Variants in MAMSTR observed in about 807,000 individuals in gnomAD.
The protein encoded by MAMSTR is MEF2 activating motif and SAP domain containing transcriptional regulator.
MAMSTR carries 41 observed loss-of-function variants against 42.7 expected under a neutral mutation model. The observed-to-expected ratio is 0.96, with a 90% CI of 0.75 to 1.25. The LOEUF (loss-of-function observed/expected upper bound fraction) is 1.25. Among genes scored for constraint, MAMSTR ranks in the 50% most tolerant of loss-of-function variants. MAMSTR has a pLI of 0.00. For synonymous variants in MAMSTR, 265 were observed against 244.1 expected (o/e 1.09, Z -0.80); for missense variants, 567 against 557.6 (o/e 1.02, Z -0.17).
intron 3 of MAMSTR, among the ~76,000 whole-genome samples, chr19:48,716,185 G>A (rs1244079947): frequency 1.3e-5 from 2 of 151,842 alleles, no homozygotes; most frequent in African/African-American, 2.4e-5. Flanking sequence ...AGACCAGCCC[G>A]GCCAACATGG....
In MAMSTR at chr19:48,713,405, C is replaced by T. The variant is rs778983660; in HGVS notation, c.1110G>A (p.Thr370=). Residue 370 remains threonine, a synonymous_variant, in exon 10 of 10, where the codon ACG becomes ACA. Transcript: ENST00000318083. ...GGGCCTCCAGCCAGTCCAGGGAGTC[C>T]GTGGGGTCCCTGGGAGAAGGGGAGG... The part of the protein sequence containing the change: ...NSSSPSPRDP[T]DSLDWLEALS... 1.2e-6 allele frequency: 2 copies of T among 1,613,164 alleles called. No individual in the cohort carries two copies. The highest frequency in any genetic ancestry group is 8.5e-7 in the Non-Finnish European group (1 of 1,179,726).
At chr19:48,712,052 G>C (rs942757093), downstream of MAMSTR, among the ~76,000 whole-genome samples, 1 of 151,964 alleles carries the variant, frequency 6.6e-6, no homozygotes, top group Admixed American at 6.6e-5. Context: ...CACCGTGCCC[G>C]GCCCAGTTTT....
downstream of MAMSTR, among the ~76,000 whole-genome samples, chr19:48,708,008 G>T (rs557348429): frequency 6.6e-6 from 1 of 152,214 alleles, no homozygotes; most frequent in East Asian, 1.9e-4. Flanking sequence ...GCCAAGACCA[G>T]TGGATTACCT....
downstream of MAMSTR, among the ~76,000 whole-genome samples, chr19:48,710,878 C>T (rs565918723): frequency 1.2e-4 from 18 of 152,160 alleles, no homozygotes; most frequent in African/African-American, 1.9e-4. Flanking sequence ...TGAGCCACCG[C>T]GCCCGGCCAA....
chr19:48,714,179 A>T, intron 7 of MAMSTR, 134 bp from the exon 8 acceptor site: 1 of 1,078,578 alleles, frequency 9.3e-7, no homozygotes, highest in Non-Finnish European at 1.3e-6. Flanking sequence ...CTCGCCCCCT[A>T]TTCTTTCATT....
chr19:48,707,843 G>GAAAGAA (rs1555755172), downstream of MAMSTR, among the ~76,000 whole-genome samples: 4 of 57,704 alleles, frequency 6.9e-5, no homozygotes, highest in Admixed American at 7.6e-4. Context: ...AGAAAGGAAA[G>GAAAGAA]AAAGAAAGAA....
At chr19:48,707,892 G>GA (rs879932864), downstream of MAMSTR, among the ~76,000 whole-genome samples, 8,494 of 100,256 alleles carry the variant, frequency 0.085, 342 homozygotes, top group Middle Eastern at 0.18. Flanking sequence ...AGAAAGAAAA[G>GA]AAAGAAAGAA....
At chr19:48,710,809 G>T (rs281378), downstream of MAMSTR, among the ~76,000 whole-genome samples, 37 of 151,596 alleles carry the variant, frequency 2.4e-4, no homozygotes, top group African/African-American at 8.9e-4. Context: ...GGCTAGTCTC[G>T]AACTCCTGAC....
chr19:48,715,967 G>C (rs946472589), intron 3 of MAMSTR, 200 bp from the exon 4 acceptor site: 2 of 1,382,916 alleles, frequency 1.4e-6, no homozygotes, highest in African/African-American at 3.0e-5. Flanking sequence ...CTCAAGTAAA[G>C]CAGGAATTTT....
intron 2 of MAMSTR, 102 bp downstream of exon 2, chr19:48,718,872 A>T (rs2033149678): frequency 1.6e-6 from 2 of 1,225,636 alleles, no homozygotes; most frequent in Admixed American, 4.1e-5. Context: ...CTTTTGCACA[A>T]AAAACACAGG....
In MAMSTR at chr19:48,714,858, GAGGGGCT is replaced by G; in HGVS notation, c.469_475del (p.Ser157ArgfsTer17). The G allele has an allele frequency of 6.2e-7, 1 of 1,612,606 alleles. No homozygotes were observed. On this transcript the variant is annotated frameshift_variant, in exon 6 of 10. Transcript: ENST00000318083. LOFTEE classifies it high-confidence loss of function. ...AAGTTCCAACTTGTGTGGGGGGGGC[GAGGGGCT>G]AGGGACTCCTGGTGGGCAGGGAGTG...
chr19:48,714,764 C>T (rs753347015), intron 6 of MAMSTR, 42 bp downstream of exon 6: 18 of 1,477,834 alleles, frequency 1.2e-5, no homozygotes, highest in Non-Finnish European at 1.7e-5. Context: ...GGGACCCCAC[C>T]GAAGGAGAGA....
At chr19:48,716,911 C>T (rs2033062924) in intron 2 of MAMSTR, 168 bp from the exon 3 acceptor site, 2 of 1,208,690 alleles carry the variant, frequency 1.7e-6, no homozygotes, top group Non-Finnish European at 2.1e-6. Context: ...TTCCTCGGGC[C>T]TCCCGCCTGC....
chr19:48,714,041 T>G lies in MAMSTR; in HGVS notation c.728A>C (p.Lys243Thr). The change falls in exon 8 of 10, where the codon AAG becomes ACG. Residue 243 changes from lysine to threonine, a missense_variant. Physicochemically the swap from Lys to Thr is moderately conservative, Grantham distance 78. Coordinates refer to ENST00000318083, the MANE Select transcript of MAMSTR (RefSeq NM_001130915.2). ...LAAARRQGSV[K>T]PSAASHRPPL... is the part of the protein sequence containing the mutation. ...TGGCCTGTGAGATGCTGCGCTGGGC[T>G]TGACCTAGAGCAGCCAAGAGGGCGA... 1 of 1,588,366 alleles carries G rather than the reference T, an allele frequency of 6.3e-7. No individual in the cohort carries two copies. The highest frequency in any genetic ancestry group is 8.6e-7 in the Non-Finnish European group (1 of 1,167,766).
downstream of MAMSTR, among the ~76,000 whole-genome samples, chr19:48,711,777 G>A (rs1251559026): frequency 2.1e-4 from 24 of 112,960 alleles, no homozygotes; most frequent in East Asian, 5.0e-3. Flanking sequence ...ACGGAGTCTC[G>A]CTCTGTTGCC....
downstream of MAMSTR, among the ~76,000 whole-genome samples, chr19:48,712,202 G>A (rs1202303556): frequency 6.6e-6 from 1 of 151,862 alleles, no homozygotes; most frequent in African/African-American, 2.4e-5. Flanking sequence ...TTGTTGTTTG[G>A]CTATAATAAG....
chr19:48,707,758 GAGAAAGAAAAGAGAA>G (rs2032663212), downstream of MAMSTR, among the ~76,000 whole-genome samples: 1 of 140,364 alleles, frequency 7.1e-6, no homozygotes, highest in African/African-American at 2.7e-5. Flanking sequence ...AGAGAAAAGA[GAGAAAGAAAAGAGAA>G]AGAAAGAAAA....
intron 2 of MAMSTR, among the ~76,000 whole-genome samples, chr19:48,718,314 C>T (rs1033036106): frequency 6.6e-6 from 1 of 151,908 alleles, no homozygotes; most frequent in Non-Finnish European, 1.5e-5. Flanking sequence ...GGCACGCTCA[C>T]GTGCACACTC....
Position 48,714,866 on chromosome 19 carries a change from AG to A in MAMSTR, c.467del (p.Pro156LeufsTer20). Reference sequence around the variant, plus strand: ...ACTTGTGTGGGGGGGGCGAGGGGCTAGGGACTCCTGGTGGGCAGGGAGTGAG... The same window carrying A: ...ACTTGTGTGGGGGGGGCGAGGGGCTAGGACTCCTGGTGGGCAGGGAGTGAG... Reference protein sequence around the residue: ...SPLTPCPPGVPSPSPPPHKLE... With the variant: ...SPLTPCPPGVXSPSPPPHKLE... On this transcript the variant is annotated frameshift_variant, in exon 6 of 10. Coordinates refer to ENST00000318083, the MANE Select transcript of MAMSTR (RefSeq NM_001130915.2). LOFTEE classifies it high-confidence loss of function. 1 of 1,611,888 alleles carries A rather than the reference AG, an allele frequency of 6.2e-7. No homozygotes were observed. Among genetic ancestry groups the A allele is most frequent in the Admixed American group, 1.7e-5 (1 of 59,920 alleles).
Sources: gnomAD v4.1 joint callset for allele counts (sites outside exome capture counted in the v4.1 genomes callset) on GRCh38, gnomAD v4.1.1 for gene constraint, MANE v1.5 for transcripts, NCBI Gene and HGNC (gene_info 2026-07-23, HGNC 2026-07-21) for gene names.